The following LONRF1 variants were observed in gnomAD, a reference collection of about 807,000 sequenced individuals.
The protein encoded by LONRF1 is LON peptidase N-terminal domain and ring finger 1.
In LONRF1, 37 loss-of-function variants were observed where a neutral mutation model predicts 85.8. That is an observed-to-expected ratio of 0.43 (90% CI 0.33 to 0.57). LONRF1 has a LOEUF of 0.57. Among genes scored for constraint, LONRF1 ranks in the 20% least tolerant of loss-of-function variants. The pLI is 0.04. For synonymous variants in LONRF1, 517 were observed against 390.1 expected (o/e 1.33, Z -3.83); for missense variants, 1,036 against 978.0 (o/e 1.06, Z -0.79).
chr8:12,746,139 T>G (rs1799143733), intron 1 of LONRF1, among the ~76,000 whole-genome samples: 1 of 152,204 alleles, frequency 6.6e-6, no homozygotes, highest in Non-Finnish European at 1.5e-5. Flanking sequence ...CTATCTCTAG[T>G]AATCCTGGGT....
At position 12,743,203 on chromosome 8, in the gene LONRF1, A is replaced by G; in HGVS notation, c.801T>C (p.Asp267=). ...GLQEFKAAIE[D]LNAVLFQLPD... ...GAAGTTGAAAAAGAACTGCATTTAA[A>G]TCTTCTATGGCTGCTTTAAACTCTT... The change falls in exon 2 of 12, where the codon GAT becomes GAC. Residue 267 remains aspartate (D), a synonymous_variant. Coordinates refer to ENST00000398246, the MANE Select transcript of LONRF1 (RefSeq NM_152271.5). The G allele has an allele frequency of 6.2e-7, 1 of 1,613,184 alleles. No homozygotes were observed. The highest frequency in any genetic ancestry group is 8.5e-7 in the Non-Finnish European group (1 of 1,179,424).
At chr8:12,752,713 C>T (rs535665961) in intron 1 of LONRF1, among the ~76,000 whole-genome samples, 3 of 152,318 alleles carry the variant, frequency 2.0e-5, no homozygotes, top group East Asian at 1.9e-4. Context: ...TTATTGGTCA[C>T]AGAATGTTAA....
chr8:12,734,032 A>G (rs1376428279), intron 7 of LONRF1, among the ~76,000 whole-genome samples: 1 of 152,200 alleles, frequency 6.6e-6, no homozygotes, highest in Non-Finnish European at 1.5e-5. Context: ...ATATTATGCC[A>G]AAAACCACAA....
chr8:12,748,273 T>C (rs972944937), intron 1 of LONRF1, among the ~76,000 whole-genome samples: 2 of 152,150 alleles, frequency 1.3e-5, no homozygotes, highest in Non-Finnish European at 2.9e-5. Context: ...GGCATTAACA[T>C]GGCTCACCGC....
At chr8:12,746,903 T>G (rs944060247) in intron 1 of LONRF1, among the ~76,000 whole-genome samples, 2 of 152,198 alleles carry the variant, frequency 1.3e-5, no homozygotes, top group Non-Finnish European at 2.9e-5. Flanking sequence ...AGTTAATCGG[T>G]GCATAGTACT....
intron 1 of LONRF1, among the ~76,000 whole-genome samples, chr8:12,746,520 T>C (rs552156211): frequency 6.6e-5 from 10 of 152,316 alleles, no homozygotes; most frequent in Admixed American, 5.2e-4. Flanking sequence ...TCCTCCACAA[T>C]TTATGATAAC....
At chr8:12,729,393 CA>C in intron 8 of LONRF1, 61 bp from the exon 9 acceptor site, 2 of 1,513,298 alleles carry the variant, frequency 1.3e-6, no homozygotes, top group Admixed American at 1.8e-5. Flanking sequence ...CGAACACATA[CA>C]AAAAATGAGT....
At chr8:12,730,622 A>C (rs1403878799) in intron 8 of LONRF1, among the ~76,000 whole-genome samples, 2 of 152,146 alleles carry the variant, frequency 1.3e-5, no homozygotes, top group Admixed American at 6.5e-5. Flanking sequence ...CACCATGTTT[A>C]AATTTTCAAA....
intron 6 of LONRF1, 41 bp downstream of exon 6, chr8:12,736,660 A>G (rs754583061): frequency 7.8e-7 from 1 of 1,288,258 alleles, no homozygotes. Flanking sequence ...TATGTATACT[A>G]ACATAAAATA....
In LONRF1 at chr8:12,731,765, T is replaced by C. The variant is rs375232001; in HGVS notation, c.1659A>G (p.Ile553Met). Reference protein sequence around the residue: ...LPDELSERKKIYDEETAELSH... With the variant: ...LPDELSERKKMYDEETAELSH... ...AGAGTTCAGCAGTTTCTTCATCATA[T>C]ATTTTTTTTCTCTCAGACAGTTCAT... Residue 553 changes from isoleucine (I) to methionine (M), a missense_variant, in exon 8 of 12, where the codon ATA becomes ATG. Ile to Met is a conservative substitution (Grantham distance 10, BLOSUM62 1). Around this residue, in one of 3 missense-constraint regions of LONRF1, gnomAD observed 265 missense variants for 301.5 expected, o/e 0.88. Coordinates refer to ENST00000398246, the MANE Select transcript of LONRF1 (RefSeq NM_152271.5). 3.1e-6 allele frequency: 5 copies of C among 1,612,870 alleles called. No homozygotes were observed. The highest frequency in any genetic ancestry group is 4.2e-6 in the Non-Finnish European group (5 of 1,179,388).
Position 12,737,151 on chromosome 8 carries a change from A to G in LONRF1, c.1114-11T>C, listed in dbSNP as rs752186400. The G allele has an allele frequency of 4.4e-6, 7 of 1,607,830 alleles. No individual in the cohort carries two copies. The highest frequency in any genetic ancestry group is 5.9e-6 in the Non-Finnish European group (7 of 1,177,364). ...TGGTATTTCTTCACTCTACAAAAAT[A>G]CAATAAACAAAGGTAACTGTATTTC... On this transcript the variant is annotated splice_polypyrimidine_tract_variant and intron_variant, in intron 4 of 11. Coordinates refer to ENST00000398246, the MANE Select transcript of LONRF1 (RefSeq NM_152271.5).
intron 11 of LONRF1, among the ~76,000 whole-genome samples, chr8:12,723,661 G>C (rs7840371): frequency 0.027 from 4,178 of 152,322 alleles, 203 homozygotes; most frequent in African/African-American, 0.095. Context: ...GATGCCAGTA[G>C]CACCTTCCCA....
chr8:12,745,899 T>C (rs1214512898), intron 1 of LONRF1, among the ~76,000 whole-genome samples: 1 of 152,208 alleles, frequency 6.6e-6, no homozygotes, highest in Non-Finnish European at 1.5e-5. Context: ...ATGTGCTAGT[T>C]GTCATGATTT....
Position 12,737,665 on chromosome 8 carries a change from A to G in LONRF1, c.1113+330T>C, listed in dbSNP as rs528412986. Among the ~76,000 whole-genome samples, 7 of 152,288 alleles carry G rather than the reference A, an allele frequency of 4.6e-5. No individual in the cohort carries two copies. In the East Asian group the frequency reaches 1.4e-3, roughly 29 times the overall value. On this transcript the variant is annotated intron_variant, in intron 4 of 11. Transcript: ENST00000398246. ...TGTACTTACACAGCCCTAGAAATCA[A>G]GGTGACTTATGTTATAATGAGGTTT...
At position 12,728,913 on chromosome 8, in the gene LONRF1, C is replaced by T. The variant is rs762855016; in HGVS notation, c.1998G>A (p.Leu666=). Residue 666 remains leucine, a synonymous_variant, in exon 10 of 12, where the codon CTG becomes CTA. Coordinates refer to ENST00000398246, the MANE Select transcript of LONRF1 (RefSeq NM_152271.5). ...CATTTTAAAATACCTTAACATCTTC[C>T]AGATATTCAATGTCGGCAGTGCAAT... ...DGYCTADIEY[L]EDVKVENEDE... is the part of the protein sequence containing the mutation. 6.2e-7 allele frequency: 1 copy of T among 1,613,728 alleles called. No homozygotes were observed. Among genetic ancestry groups the T allele is most frequent in the East Asian group, 2.2e-5 (1 of 44,886 alleles).
chr8:12,744,261 C>T (rs918242367), intron 1 of LONRF1, among the ~76,000 whole-genome samples: 5 of 152,146 alleles, frequency 3.3e-5, no homozygotes, highest in Non-Finnish European at 7.4e-5. Context: ...CTATTCAAAA[C>T]TCTCACTTGA....
intron 6 of LONRF1, among the ~76,000 whole-genome samples, chr8:12,736,482 C>A (rs747622769): frequency 2.6e-5 from 4 of 152,140 alleles, no homozygotes; most frequent in African/African-American, 9.7e-5. Context: ...GTAGGCCATG[C>A]AAAGCTTGAT....
At chr8:12,743,336 T>C (rs2117308423) in intron 1 of LONRF1, 54 bp from the exon 2 acceptor site, 1 of 1,071,376 alleles carries the variant, frequency 9.3e-7, no homozygotes, top group Admixed American at 2.0e-5. Context: ...TATTACATAA[T>C]CTACAAAATA....
rs1166091243 is a variant in LONRF1 at position 12,755,250 on chromosome 8, C to G, written c.171G>C (p.Leu57=). 1.1e-5 allele frequency: 13 copies of G among 1,234,606 alleles called. No homozygotes were observed. The highest frequency in any genetic ancestry group is 1.2e-5 in the Non-Finnish European group (12 of 991,360). 76.5% of individuals were successfully genotyped at this position (1,234,606 alleles called of 1,614,324 possible). ...RWELLLRRGE[L]LALGGHLKGA... is the part of the protein sequence containing the mutation. ...CCTTCAGGTGGCCGCCCAGCGCCAGCAGCTCCCCGCGGCGGAGCAGCAGCT... is the reference window on the plus strand; with the variant it reads ...CCTTCAGGTGGCCGCCCAGCGCCAGGAGCTCCCCGCGGCGGAGCAGCAGCT... The change falls in exon 1 of 12, where the codon CTG becomes CTC. Residue 57 remains leucine, a synonymous_variant. Transcript: ENST00000398246.
Sources: gnomAD v4.1 joint callset for allele counts (sites outside exome capture counted in the v4.1 genomes callset) on GRCh38, gnomAD v4.1.1 for gene constraint, gnomAD v4.1.1 regional missense constraint, MANE v1.5 for transcripts, NCBI Gene and HGNC (gene_info 2026-07-23, HGNC 2026-07-21) for gene names.